Variants in NDE1 observed in about 807,000 individuals in gnomAD.
NDE1 encodes the protein nuclear distribution protein nudE homolog 1.
NDE1 carries 28 observed loss-of-function variants against 43.4 expected under a neutral mutation model. The ratio of observed to expected loss-of-function variants is 0.65; its 90% CI spans 0.48 to 0.89. NDE1 has a LOEUF of 0.89. NDE1 is among the 40% of genes least tolerant of loss of function. The pLI is 0.00. For synonymous variants in NDE1, 184 were observed against 172.0 expected, an observed-to-expected ratio of 1.07 and a Z score of -0.55; for missense variants, 441 against 434.1, an observed-to-expected ratio of 1.02 and a Z score of -0.14.
intron 7 of NDE1, chr16:15,695,604 G>A (rs2038974211): frequency 1.0e-5 from 10 of 985,086 alleles, no homozygotes; most frequent in Non-Finnish European, 1.2e-5. Context: ...AAAAACATAG[G>A]TATTCTTTGT....
intron 3 of NDE1, among the ~76,000 whole-genome samples, chr16:15,675,584 A>G (rs1477251579): frequency 6.6e-6 from 1 of 151,808 alleles, no homozygotes. Context: ...CTACAGGTGC[A>G]TGCCACCACG....
intron 1 of NDE1, among the ~76,000 whole-genome samples, chr16:15,660,611 G>A (rs8061376): frequency 6.6e-6 from 1 of 151,990 alleles, no homozygotes; most frequent in East Asian, 1.9e-4. Flanking sequence ...GAATTCCATC[G>A]CTTTCCTCTT....
At chr16:15,679,511 A>G (rs1382010459) in intron 4 of NDE1, among the ~76,000 whole-genome samples, 1 of 152,162 alleles carries the variant, frequency 6.6e-6, no homozygotes, top group Non-Finnish European at 1.5e-5. Flanking sequence ...CCAATCTGCC[A>G]TTATAGCAGA....
At chr16:15,665,288 C>T (rs948754843) in intron 2 of NDE1, among the ~76,000 whole-genome samples, 2 of 152,062 alleles carry the variant, frequency 1.3e-5, no homozygotes, top group Admixed American at 1.3e-4. Flanking sequence ...AAACTATTAG[C>T]ACCCCATTAT....
chr16:15,677,985 C>A (rs2096064050), intron 4 of NDE1, 36 bp downstream of exon 4: 2 of 1,612,728 alleles, frequency 1.2e-6, no homozygotes, highest in Admixed American at 1.7e-5. Flanking sequence ...GTGGGAGACT[C>A]TCCTCTCTGC....
rs748813945 is a variant in NDE1 at position 15,724,355 on chromosome 16, C to T, written c.*104C>T. 2 of 1,614,150 alleles carry T rather than the reference C, an allele frequency of 1.2e-6. No homozygotes were observed. The highest frequency in any genetic ancestry group is 1.1e-5 in the South Asian group (1 of 91,086). On this transcript the variant is annotated 3_prime_UTR_variant, in exon 9 of 9. Coordinates refer to ENST00000396354, the MANE Select transcript of NDE1 (RefSeq NM_017668.3). ...TTCTGGAACCTCTTCTTCCCCTCTT[C>T]CAGAGCTTCCACGGTGCTGGCAAAG...
intron 8 of NDE1, chr16:15,714,772 G>A (rs2040022667): frequency 2.7e-6 from 3 of 1,125,172 alleles, no homozygotes; most frequent in South Asian, 2.6e-5. Context: ...TAGTGATTAA[G>A]GAGAAGCAGG....
chr16:15,698,193 A>G (rs2039096522), intron 8 of NDE1, among the ~76,000 whole-genome samples: 1 of 152,088 alleles, frequency 6.6e-6, no homozygotes, highest in South Asian at 2.1e-4. Flanking sequence ...ACCCGATGGG[A>G]CAGTGCAGAT....
chr16:15,720,809 C>T (rs773041916), intron 8 of NDE1: 1 of 1,608,498 alleles, frequency 6.2e-7, no homozygotes, highest in Non-Finnish European at 8.5e-7. Flanking sequence ...CACCCGACCT[C>T]CCTCTGCTGG....
At chr16:15,680,901 TTTTG>T (rs776838247) in intron 4 of NDE1, among the ~76,000 whole-genome samples, 14 of 152,156 alleles carry the variant, frequency 9.2e-5, no homozygotes, top group Non-Finnish European at 1.8e-4. Flanking sequence ...CGTGGTAATC[TTTTG>T]TTTGTTGACT....
Position 15,644,315 on chromosome 16 carries a change from A to G in NDE1, c.-166+388A>G, listed in dbSNP as rs573851249. 2.0e-5 allele frequency among the ~76,000 whole-genome samples: 3 copies of G among 152,366 alleles called. No homozygotes were observed. In the South Asian group the frequency reaches 6.2e-4, roughly 32 times the overall value. On this transcript the variant is annotated intron_variant, in intron 1 of 9. Transcript: ENST00000396355. ...GAGGTTATTTCAATAGGCAATCCCC[A>G]TTACGTGGGGATTAACACATCCCTG...
intron 8 of NDE1, among the ~76,000 whole-genome samples, chr16:15,697,434 TGTG>T (rs930398625): frequency 6.6e-6 from 1 of 151,970 alleles, no homozygotes; most frequent in African/African-American, 2.4e-5. Context: ...TTGGGCCAGG[TGTG>T]GTGACGCTCG....
In NDE1 at chr16:15,718,449, G is replaced by A. The variant is rs779166026; in HGVS notation, c.948-5742G>A. The A allele has an allele frequency of 1.4e-5, 22 of 1,550,394 alleles. No homozygotes were observed. The highest frequency in any genetic ancestry group is 2.7e-5 in the African/African-American group (2 of 73,592). The stretch of plus-strand genomic sequence containing the variant: ...TCCTGGAGTGCGTTCCTGGGGGAAG[G>A]GCGGCCATGGTGGGGGCCTCTACCC... On this transcript the variant is annotated intron_variant, in intron 8 of 8. Transcript: ENST00000396354.
intron 8 of NDE1, among the ~76,000 whole-genome samples, chr16:15,709,608 C>G (rs1190485394): frequency 6.6e-6 from 1 of 152,176 alleles, no homozygotes; most frequent in African/African-American, 2.4e-5. Context: ...AGCCACTGCA[C>G]CCGGCTCAGT....
At chr16:15,706,311 A>T (rs2039451633) in intron 8 of NDE1, among the ~76,000 whole-genome samples, 2 of 151,704 alleles carry the variant, frequency 1.3e-5, no homozygotes, top group South Asian at 4.2e-4. Flanking sequence ...CGCTTGACTC[A>T]GAAGGATGCT....
At chr16:15,692,269 C>T (rs2038792295) in intron 6 of NDE1, among the ~76,000 whole-genome samples, 1 of 152,200 alleles carries the variant, frequency 6.6e-6, no homozygotes, top group South Asian at 2.1e-4. Flanking sequence ...AGTCATGAAG[C>T]AATTGAATGG....
At position 15,725,766 on chromosome 16, in the gene NDE1, G is replaced by A. The variant is rs1317563870; in HGVS notation, c.*1515G>A. The stretch of plus-strand genomic sequence containing the variant: ...AAACTTTGGCCACGTCCCCATGAGT[G>A]GCAAGGCAGGGTAAATGGCTATGCC... On this transcript the variant is annotated 3_prime_UTR_variant, in exon 9 of 9. Coordinates refer to ENST00000396354, the MANE Select transcript of NDE1 (RefSeq NM_017668.3). 5.0e-6 allele frequency: 2 copies of A among 398,746 alleles called. No homozygotes were observed. The highest frequency in any genetic ancestry group is 8.8e-6 in the Non-Finnish European group (2 of 226,176). The allele number at this position is 398,746 out of a possible 1,614,324, so 24.7% of individuals were successfully genotyped here.
chr16:15,659,425 CT>C (rs35091023), intron 1 of NDE1, among the ~76,000 whole-genome samples: 340 of 58,864 alleles, frequency 5.8e-3, no homozygotes, highest in African/African-American at 0.016. Context: ...TGCACACAAT[CT>C]TTTTTTTTTT....
rs1277177970 is a variant in NDE1 at position 15,688,689 on chromosome 16, C to CTTTTTATTTTTTT, written c.523+1183_523+1184insATTTTTTTTTTTT. 1.3e-4 allele frequency among the ~76,000 whole-genome samples: 8 copies of CTTTTTATTTTTTT among 59,988 alleles called. 1 individual carries two copies. Among genetic ancestry groups the CTTTTTATTTTTTT allele is most frequent in the Non-Finnish European group, 2.4e-4 (8 of 33,864 alleles). The allele number at this position is 59,988 out of a possible 152,430, so 39.4% of individuals were successfully genotyped here. The stretch of plus-strand genomic sequence containing the variant: ...AGTGGATTGTCCAAGTTGTTTTTAC[C>CTTTTTATTTTTTT]TTTTTTTTTTTTTTTTTTTTTTTTT... On this transcript the variant is annotated intron_variant, in intron 5 of 8. Coordinates refer to ENST00000396354, the MANE Select transcript of NDE1 (RefSeq NM_017668.3).
Sources: allele counts gnomAD v4.1 joint callset (sites outside exome capture counted in the v4.1 genomes callset), GRCh38; gene constraint gnomAD v4.1.1; transcripts MANE v1.5; gene names NCBI Gene and HGNC (gene_info 2026-07-23, HGNC 2026-07-21).